ZNF782: variants seen among roughly 807,000 people sequenced by gnomAD.
ZNF782 encodes the protein zinc finger protein 782.
A neutral mutation model predicts 13.0 loss-of-function variants in ZNF782; 12 were observed. That is an observed-to-expected ratio of 0.92 (90% CI 0.59 to 1.50). The LOEUF is 1.50. ZNF782 is among the 40% of genes most tolerant of loss of function. The probability of loss-of-function intolerance (pLI) is 0.00; values close to 1 mark genes in which losing one functional copy is unlikely to be tolerated. For synonymous variants in ZNF782, 284 were observed against 283.0 expected (o/e 1.00, Z -0.04); for missense variants, 770 against 822.9 (o/e 0.94, Z 0.79).
chr9:96,910,237 A>G, the ZNF782 span: 3 of 682,908 alleles, frequency 4.4e-6, no homozygotes, highest in Non-Finnish European at 8.1e-6. Flanking sequence ...AGGTAGATGA[A>G]GAAGGGGAAG....
intron 4 of ZNF782, among the ~76,000 whole-genome samples, chr9:96,832,363 C>T (rs1349048847): frequency 6.6e-6 from 1 of 152,140 alleles, no homozygotes; most frequent in African/African-American, 2.4e-5. Context: ...TCCCTTCAAC[C>T]ATCAAACAAA....
At chr9:96,898,286 A>C in the ZNF782 span, among the ~76,000 whole-genome samples, 1 of 148,826 alleles carries the variant, frequency 6.7e-6, no homozygotes, top group Non-Finnish European at 1.5e-5. Flanking sequence ...CCCCGTACCC[A>C]TCAAGCAGTC....
chr9:96,893,187 AT>A, the ZNF782 span: 1 of 152,326 alleles, frequency 6.6e-6, no homozygotes, highest in African/African-American at 2.4e-5. Flanking sequence ...TGTTTTGAAA[AT>A]AGCTTAAACA....
upstream of ZNF782, among the ~76,000 whole-genome samples, chr9:96,876,258 T>C (rs1851891701): frequency 6.6e-6 from 1 of 152,204 alleles, no homozygotes; most frequent in African/African-American, 2.4e-5. Flanking sequence ...TATTGGAAAA[T>C]ACTAGTTTTT....
chr9:96,910,076 A>T, the ZNF782 span: 3 of 602,270 alleles, frequency 5.0e-6, no homozygotes, highest in South Asian at 4.2e-5. Context: ...GTGCCCCACC[A>T]TGTCAGATGC....
chr9:96,818,223 C>T lies in ZNF782; in HGVS notation c.1800G>A (p.Arg600=), dbSNP rs1250544187. Residue 600 remains arginine (R), a synonymous_variant, in exon 6 of 6, where the codon AGG becomes AGA. Transcript: ENST00000481138. ...GATGCCCTCTGAGATTTGATTTCTG[C>T]CTGAATGTTTTTCCACACTCCTCAC... ...YQCEECGKTF[R]QKSNLRGHQR... 1.9e-6 allele frequency: 3 copies of T among 1,612,250 alleles called. No individual in the cohort carries two copies. The highest frequency in any genetic ancestry group is 1.7e-4 in the Middle Eastern group (1 of 6,042).
chr9:96,931,698 C>T, the ZNF782 span: 3 of 1,610,706 alleles, frequency 1.9e-6, no homozygotes, highest in South Asian at 2.2e-5. Context: ...CCAGCTCATT[C>T]ACCTCTTTCC....
chr9:96,861,422 G>A (rs1851701855), intron 2 of ZNF782: 2 of 152,222 alleles, frequency 1.3e-5, no homozygotes, highest in African/African-American at 4.8e-5. Flanking sequence ...TTTTAAAATG[G>A]GCAAAATATC....
intron 1 of ZNF782, among the ~76,000 whole-genome samples, chr9:96,862,922 G>A (rs1851719196): frequency 6.6e-6 from 1 of 152,160 alleles, no homozygotes; most frequent in African/African-American, 2.4e-5. Context: ...CTAGTTACAA[G>A]GTCAGAAAAT....
chr9:96,818,893 A>G lies in ZNF782; in HGVS notation c.1130T>C (p.Met377Thr). 3 of 1,614,188 alleles carry G rather than the reference A, an allele frequency of 1.9e-6. 1 individual carries two copies. In the South Asian group the frequency reaches 3.3e-5, roughly 18 times the overall value. The change falls in exon 6 of 6, where the codon ATG becomes ACG. Residue 377 changes from methionine (M) to threonine (T), a missense_variant. Physicochemically the swap from Met to Thr is moderately conservative, Grantham distance 81 (BLOSUM62 -1). Coordinates refer to ENST00000481138, the MANE Select transcript of ZNF782 (RefSeq NM_001001662.3). ...CTGAGGCCAAATCAAGTGTGAATTC[A>G]TAGAGCAGGATTTCCCACATTCATT... The part of the protein sequence containing the change: ...EYNECGKSCS[M>T]NSHLIWPQKS...
At chr9:96,876,668 A>G (rs192088702), upstream of ZNF782, among the ~76,000 whole-genome samples, 176 of 152,328 alleles carry the variant, frequency 1.2e-3, 1 homozygote, top group African/African-American at 4.0e-3. Context: ...AAAGGGGAAC[A>G]AAAGAAACAA....
intron 4 of ZNF782, among the ~76,000 whole-genome samples, chr9:96,840,750 T>C (rs573046371): frequency 6.6e-6 from 1 of 152,208 alleles, no homozygotes; most frequent in South Asian, 2.1e-4. Context: ...GCAATTTGCA[T>C]GTTGCAGCTA....
At chr9:96,860,370 T>G (rs1851689619) in exon 3 of ZNF782, 1 of 152,298 alleles carries the variant, frequency 6.6e-6, no homozygotes, top group African/African-American at 2.4e-5. Context: ...CCAGTGGTGG[T>G]GGCTACAGGG....
Position 96,869,058 on chromosome 9 carries a change from T to C in ZNF782, c.-457+6410A>G, listed in dbSNP as rs558527200. ...CTTGACATAGAAAGAGCATGGGAAC[T>C]GAAGGTAAGGCTATGAAGGTACTAA... On this transcript the variant is annotated intron_variant, in intron 1 of 5. Coordinates refer to the ZNF782 transcript ENST00000498811. Among the ~76,000 whole-genome samples the C allele has an allele frequency of 5.9e-5, 9 of 152,222 alleles. No individual in the cohort carries two copies. In the South Asian group the frequency reaches 1.0e-3, roughly 18 times the overall value.
rs551132344 is a variant in ZNF782 at position 96,873,705 on chromosome 9, C to T, written c.-457+1763G>A. Among the ~76,000 whole-genome samples the T allele has an allele frequency of 2.6e-5, 4 of 152,352 alleles. No homozygotes were observed. The South Asian group carries it at 8.3e-4, about 32-fold the overall frequency. Reference sequence around the variant, plus strand: ...AGAGCGAGACCTTGTCTCACACACACACACAAAAGAGTAAGTCAGTAGAAT... The same window carrying T: ...AGAGCGAGACCTTGTCTCACACACATACACAAAAGAGTAAGTCAGTAGAAT... On this transcript the variant is annotated intron_variant, in intron 1 of 5. Coordinates refer to the ZNF782 transcript ENST00000498811.
chr9:96,854,250 C>G lies in ZNF782; in HGVS notation c.-424G>C, dbSNP rs754729493. 1.3e-5 allele frequency: 2 copies of G among 152,378 alleles called. No homozygotes were observed. The highest frequency in any genetic ancestry group is 2.9e-5 in the Non-Finnish European group (2 of 68,164). The allele number at this position is 152,378 out of a possible 1,614,324, so 9.4% of individuals were successfully genotyped here. ...CCGCGGCCCGCACCCGGCACCTGCT[C>G]CGGACCAACGCTCAGCCTCAGCCGC... On this transcript the variant is annotated 5_prime_UTR_variant, in exon 1 of 6. Coordinates refer to ENST00000481138, the MANE Select transcript of ZNF782 (RefSeq NM_001001662.3).
chr9:96,912,044 A>G, the ZNF782 span, among the ~76,000 whole-genome samples: 1 of 151,176 alleles, frequency 6.6e-6, no homozygotes, highest in Non-Finnish European at 1.5e-5. Flanking sequence ...TACTAAAAAT[A>G]CAAAAAATCA....
At chr9:96,823,690 A>G (rs1850503567) in intron 5 of ZNF782, among the ~76,000 whole-genome samples, 1 of 152,246 alleles carries the variant, frequency 6.6e-6, no homozygotes, top group Non-Finnish European at 1.5e-5. Flanking sequence ...TTAGCAATTC[A>G]TAACCGTATT....
chr9:96,847,359 C>G (rs911879118), intron 3 of ZNF782, among the ~76,000 whole-genome samples: 2 of 151,622 alleles, frequency 1.3e-5, no homozygotes, highest in African/African-American at 2.4e-5. Context: ...ACAAAAAAAC[C>G]CCAAAATATC....
Sources: allele counts gnomAD v4.1 joint callset (sites outside exome capture counted in the v4.1 genomes callset), GRCh38; gene constraint gnomAD v4.1.1; transcripts MANE v1.5; gene names NCBI Gene and HGNC (gene_info 2026-07-23, HGNC 2026-07-21).